The following DDX60 variants were observed in gnomAD, a reference collection of about 807,000 sequenced individuals.
DDX60 encodes the protein DExD/H-box helicase 60, also known as probable ATP-dependent RNA helicase DDX60.
DDX60 carries 165 observed loss-of-function variants against 212.8 expected under a neutral mutation model. That is an observed-to-expected ratio of 0.78 (90% CI 0.68 to 0.88). DDX60 has a LOEUF of 0.88. Among genes scored for constraint, DDX60 ranks in the 40% least tolerant of loss-of-function variants. The pLI, the probability that DDX60 is intolerant of heterozygous loss-of-function variation, is 0.00. For synonymous variants in DDX60, 703 were observed against 685.3 expected (o/e 1.03, Z -0.40); for missense variants, 1,905 against 2,003.9 (o/e 0.95, Z 0.94).
intron 25 of DDX60, among the ~76,000 whole-genome samples, chr4:168,260,500 G>A (rs534942619): frequency 1.3e-5 from 2 of 152,288 alleles, no homozygotes; most frequent in South Asian, 4.1e-4. Context: ...ACCGGGGACT[G>A]GTTTCATGGA....
intron 30 of DDX60, among the ~76,000 whole-genome samples, chr4:168,239,000 C>T (rs1201859196): frequency 6.6e-6 from 1 of 152,124 alleles, no homozygotes; most frequent in African/African-American, 2.4e-5. Flanking sequence ...AAATTTCATA[C>T]ATCCTATTGC....
chr4:168,243,715 G>A (rs1009533747), intron 30 of DDX60, among the ~76,000 whole-genome samples: 2 of 152,182 alleles, frequency 1.3e-5, no homozygotes, highest in African/African-American at 4.8e-5. Flanking sequence ...CAAAGAACTA[G>A]AGGTAGAAAT....
intron 17 of DDX60, among the ~76,000 whole-genome samples, 169 bp from the exon 18 acceptor site, chr4:168,273,567 T>C (rs766061518): frequency 2.0e-5 from 3 of 152,208 alleles, no homozygotes; most frequent in Admixed American, 6.5e-5. Flanking sequence ...TTTGAGATAG[T>C]TGACTCAGCA....
At chr4:168,312,989 T>C (rs1191873067) in intron 1 of DDX60, among the ~76,000 whole-genome samples, 1 of 152,186 alleles carries the variant, frequency 6.6e-6, no homozygotes, top group Non-Finnish European at 1.5e-5. Flanking sequence ...TTATAGAGTA[T>C]CTACACTTTA....
At position 168,248,191 on chromosome 4, in the gene DDX60, T is replaced by C. The variant is rs756893830; in HGVS notation, c.3960A>G (p.Arg1320=). 6.3e-7 allele frequency: 1 copy of C among 1,599,694 alleles called. No homozygotes were observed. Among genetic ancestry groups the C allele is most frequent in the Non-Finnish European group, 8.5e-7 (1 of 1,174,508 alleles). Residue 1320 remains arginine, a synonymous_variant, in exon 29 of 38, where the codon AGA becomes AGG. Coordinates refer to ENST00000393743, the MANE Select transcript of DDX60 (RefSeq NM_017631.6). ...NSVYLDALNY[R]QMSGRAGRRG... ...AAGTTTATGCATTTTGCAATACCTGTCTATAATTCAACGCATCCAGATAGA... is the reference window on the plus strand; with the variant it reads ...AAGTTTATGCATTTTGCAATACCTGCCTATAATTCAACGCATCCAGATAGA...
At position 168,256,141 on chromosome 4, in the gene DDX60, G is replaced by A. The variant is rs765510088; in HGVS notation, c.3399-272C>T. Among the ~76,000 whole-genome samples the A allele has an allele frequency of 7.5e-4, 86 of 114,954 alleles. No individual in the cohort carries two copies. In the Middle Eastern group the frequency reaches 0.025, roughly 34 times the overall value. 75.4% of individuals were successfully genotyped at this position (114,954 alleles called of 152,430 possible). ...ACCCAGACATTACCCCTGGGACAAT[G>A]CAATCAGAACTCGTGGAAATTTTTC... is the stretch of plus-strand genomic sequence containing the variant. On this transcript the variant is annotated intron_variant, in intron 25 of 37. Transcript: ENST00000393743.
At chr4:168,298,294 A>C (rs1736497630) in intron 6 of DDX60, among the ~76,000 whole-genome samples, 1 of 152,170 alleles carries the variant, frequency 6.6e-6, no homozygotes, top group Non-Finnish European at 1.5e-5. Flanking sequence ...TGTGAGACTT[A>C]CCTATAAAAG....
intron 8 of DDX60, among the ~76,000 whole-genome samples, chr4:168,289,260 T>C (rs7671380): frequency 6.6e-6 from 1 of 151,938 alleles, no homozygotes; most frequent in Non-Finnish European, 1.5e-5. Context: ...AACCAATGTA[T>C]TTTCAGTCCT....
intron 10 of DDX60, among the ~76,000 whole-genome samples, chr4:168,286,776 C>T (rs1003860544): frequency 1.3e-5 from 2 of 152,010 alleles, no homozygotes; most frequent in Non-Finnish European, 2.9e-5. Flanking sequence ...TTCTGTGGAC[C>T]TATAACTGCC....
In DDX60 at chr4:168,225,589, G is replaced by A. The variant is rs767898671; in HGVS notation, c.4621C>T (p.Arg1541Ter). The change falls in exon 34 of 38, where the codon CGA becomes TGA. Residue 1541 changes from arginine (R) to a stop codon, truncating the protein, a stop_gained. Coordinates refer to ENST00000393743, the MANE Select transcript of DDX60 (RefSeq NM_017631.6). LOFTEE classifies it high-confidence loss of function. ...KIMEDFTTFL[R>*]IVSKLADMNQ... is the part of the protein sequence containing the mutation. ...ATATCAGCCAGTTTGGAAACAATTCGTAGGAAAGTGGTAAAGTCCTCCATA... is the reference window on the plus strand; with the variant it reads ...ATATCAGCCAGTTTGGAAACAATTCATAGGAAAGTGGTAAAGTCCTCCATA... 11 of 1,611,208 alleles carry A rather than the reference G, an allele frequency of 6.8e-6. 1 individual carries two copies. Among genetic ancestry groups the A allele is most frequent in the South Asian group, 4.4e-5 (4 of 90,776 alleles).
chr4:168,296,909 T>A (rs1736368881), intron 6 of DDX60, among the ~76,000 whole-genome samples: 1 of 147,772 alleles, frequency 6.8e-6, no homozygotes, highest in Admixed American at 6.8e-5. Context: ...AGTCTCACTC[T>A]GTCACCAGGC....
chr4:168,315,165 C>T (rs1737309132), intron 1 of DDX60, among the ~76,000 whole-genome samples: 1 of 152,166 alleles, frequency 6.6e-6, no homozygotes, highest in Non-Finnish European at 1.5e-5. Context: ...TTACTCACCT[C>T]TGATTGTGTT....
chr4:168,321,723 G>A (rs1464516756), upstream of DDX60, among the ~76,000 whole-genome samples: 1 of 152,066 alleles, frequency 6.6e-6, no homozygotes, highest in Non-Finnish European at 1.5e-5. Flanking sequence ...CTAGATCTGG[G>A]TTTGGATCTC....
chr4:168,281,677 T>A (rs72693158), intron 13 of DDX60, among the ~76,000 whole-genome samples: 2,503 of 152,314 alleles, frequency 0.016, 28 homozygotes, highest in Middle Eastern at 0.044. Context: ...AAAGACAAAT[T>A]AGAGAATTGT....
At chr4:168,268,708 G>C (rs994220596) in intron 20 of DDX60, 146 bp downstream of exon 20, 4 of 475,844 alleles carry the variant, frequency 8.4e-6, no homozygotes, top group Non-Finnish European at 1.5e-5. Flanking sequence ...AGGAGGTGTA[G>C]AGAGATGCAG....
At chr4:168,246,750 T>G (rs1734037684) in intron 29 of DDX60, 132 bp from the exon 30 acceptor site, 1 of 896,852 alleles carries the variant, frequency 1.1e-6, no homozygotes, top group Non-Finnish European at 1.7e-6. Context: ...GAACGGACAC[T>G]AACATGCAAC....
At chr4:168,304,175 A>C (rs1278955658) in intron 5 of DDX60, among the ~76,000 whole-genome samples, 1 of 152,056 alleles carries the variant, frequency 6.6e-6, no homozygotes, top group Non-Finnish European at 1.5e-5. Context: ...GCCCTTAAGG[A>C]GCTATTCCAG....
At chr4:168,242,329 G>A (rs1733873789) in intron 30 of DDX60, among the ~76,000 whole-genome samples, 1 of 152,134 alleles carries the variant, frequency 6.6e-6, no homozygotes, top group South Asian at 2.1e-4. Flanking sequence ...CCAGACCCCA[G>A]AATGACACAT....
chr4:168,317,682 G>A (rs1255959553), intron 1 of DDX60, among the ~76,000 whole-genome samples: 1 of 152,028 alleles, frequency 6.6e-6, no homozygotes, highest in Non-Finnish European at 1.5e-5. Flanking sequence ...TTAATGATTC[G>A]GTTATATTAT....
Sources: allele counts gnomAD v4.1 joint callset (sites outside exome capture counted in the v4.1 genomes callset), GRCh38; gene constraint gnomAD v4.1.1; transcripts MANE v1.5; gene names NCBI Gene and HGNC (gene_info 2026-07-23, HGNC 2026-07-21).